TBC1D30: variants seen among roughly 807,000 people sequenced by gnomAD.
TBC1D30 encodes the protein TBC1 domain family, member 30.
In TBC1D30, 31 loss-of-function variants were observed where a neutral mutation model predicts 63.2. The ratio of observed to expected loss-of-function variants is 0.49; its 90% CI spans 0.37 to 0.66. TBC1D30 has a LOEUF of 0.66. Among genes scored for constraint, TBC1D30 ranks in the 30% least tolerant of loss-of-function variants. The pLI, the probability that TBC1D30 is intolerant of heterozygous loss-of-function variation, is 0.00. For missense variants in TBC1D30, 810 were observed against 953.6 expected, an observed-to-expected ratio of 0.85 and a Z score of 1.98; for synonymous variants, 307 against 361.5, an observed-to-expected ratio of 0.85 and a Z score of 1.71.
chr12:64,768,023 A>G (rs1870783034), intron 1 of TBC1D30, among the ~76,000 whole-genome samples: 1 of 152,098 alleles, frequency 6.6e-6, no homozygotes, highest in Non-Finnish European at 1.5e-5. Context: ...CCATATATGA[A>G]AGGCTGCCAG....
At chr12:64,766,237 A>G (rs1035815164) in intron 1 of TBC1D30, among the ~76,000 whole-genome samples, 1 of 152,200 alleles carries the variant, frequency 6.6e-6, no homozygotes, top group Non-Finnish European at 1.5e-5. Context: ...TACTATTTAC[A>G]TAACTGGAAT....
chr12:64,838,563 T>C (rs1307313302), intron 6 of TBC1D30, 120 bp from the exon 7 acceptor site: 2 of 991,204 alleles, frequency 2.0e-6, no homozygotes, highest in Admixed American at 5.6e-5. Flanking sequence ...TTTAGAAATA[T>C]GAAGAAATCA....
intron 10 of TBC1D30, chr12:64,868,380 T>TTG (rs1878393943): frequency 5.6e-6 from 1 of 180,006 alleles, no homozygotes; most frequent in African/African-American, 2.4e-5. Context: ...CTCCACCACC[T>TTG]TTCAGACCTT....
intron 1 of TBC1D30, among the ~76,000 whole-genome samples, chr12:64,769,648 A>G (rs12304439): frequency 0.041 from 6,159 of 151,418 alleles, 403 homozygotes; most frequent in African/African-American, 0.14. Flanking sequence ...GGCCTCCCAA[A>G]ATGCTGGGAT....
intron 2 of TBC1D30, among the ~76,000 whole-genome samples, chr12:64,801,078 AC>A (rs1872564571): frequency 6.6e-6 from 1 of 152,078 alleles, no homozygotes; most frequent in Non-Finnish European, 1.5e-5. Context: ...TCTGAACCTC[AC>A]CATTCCCTAT....
In TBC1D30 at chr12:64,840,004, C is replaced by CAAAAAAAAAAAA. The variant is rs60440376; in HGVS notation, c.932+1166_932+1177dup. On this transcript the variant is annotated intron_variant, in intron 7 of 11. Transcript: ENST00000539867. ...TGGACGACAGAGCAAGACTCTGTCT[C>CAAAAAAAAAAAA]AAAAAAAAAAAAAAAAAAAAAAAAT... Among the ~76,000 whole-genome samples the CAAAAAAAAAAAA allele has an allele frequency of 2.2e-4, 22 of 98,318 alleles. 2 individuals are homozygous for CAAAAAAAAAAAA. Among genetic ancestry groups the CAAAAAAAAAAAA allele is most frequent in the African/African-American group, 1.1e-3 (21 of 19,328 alleles). 64.5% of individuals were successfully genotyped at this position (98,318 alleles called of 152,430 possible).
At chr12:64,805,094 A>T (rs1406878820) in intron 2 of TBC1D30, among the ~76,000 whole-genome samples, 1 of 152,062 alleles carries the variant, frequency 6.6e-6, no homozygotes, top group Admixed American at 6.6e-5. Flanking sequence ...CCAGCTGCTC[A>T]GGAGGCTGAG....
At chr12:64,815,805 A>G (rs1416880618) in intron 2 of TBC1D30, among the ~76,000 whole-genome samples, 1 of 151,586 alleles carries the variant, frequency 6.6e-6, no homozygotes, top group African/African-American at 2.4e-5. Flanking sequence ...TTCTTTTTTG[A>G]GACAGAGTCT....
rs1268903 is a variant in TBC1D30 at position 64,845,690 on chromosome 12, T to C, written c.1038+2205T>C. ...GCAGTGAGCCGAGATCGTGCCACTG[T>C]ACTCCAGCCTGGGCAACAAGAGTGA... is the stretch of plus-strand genomic sequence containing the variant. On this transcript the variant is annotated intron_variant, in intron 8 of 11. Transcript: ENST00000539867. Among the ~76,000 whole-genome samples, 92 of 147,016 alleles carry C rather than the reference T, an allele frequency of 6.3e-4. 1 individual carries two copies. The East Asian group carries it at 0.017, about 27-fold the overall frequency.
chr12:64,875,795 C>T lies in TBC1D30; in HGVS notation c.*7C>T, dbSNP rs1397962709. 6.6e-7 allele frequency: 1 copy of T among 1,523,430 alleles called. No homozygotes were observed. The allele number at this position is 1,523,430 out of a possible 1,614,324, so 94.4% of individuals were successfully genotyped here. A position where few individuals can be genotyped will look rare whatever the true frequency, so the allele number is the denominator to read the frequency against. ...TGGCACTAAAAAACGATGATGTCTC[C>T]CCGAAACTTTGTATCTGGACTCACC... On this transcript the variant is annotated 3_prime_UTR_variant, in exon 12 of 12. Coordinates refer to ENST00000539867, the MANE Select transcript of TBC1D30 (RefSeq NM_015279.2).
chr12:64,861,285 A>G (rs1225298082), intron 8 of TBC1D30, among the ~76,000 whole-genome samples: 1 of 152,252 alleles, frequency 6.6e-6, no homozygotes, highest in Non-Finnish European at 1.5e-5. Context: ...ATTTAAGTGT[A>G]TGTTGGTAGT....
At chr12:64,766,474 A>G (rs1456063277) in intron 1 of TBC1D30, among the ~76,000 whole-genome samples, 1 of 152,182 alleles carries the variant, frequency 6.6e-6, no homozygotes, top group Non-Finnish European at 1.5e-5. Context: ...TTATAATGAT[A>G]AAAGGTTCAA....
chr12:64,875,481 A>G lies in TBC1D30; in HGVS notation c.1979A>G (p.Glu660Gly). 2 of 1,536,124 alleles carry G rather than the reference A, an allele frequency of 1.3e-6. No individual in the cohort carries two copies. The highest frequency in any genetic ancestry group is 1.7e-6 in the Non-Finnish European group (2 of 1,146,902). ...GTTCAGGCGAAGTTGGGAGCCCTGG[A>G]ACTGAACCAGAGGGATGCTGCAGCT... is the stretch of plus-strand genomic sequence containing the variant. The part of the protein sequence containing the change: ...SAVQAKLGAL[E>G]LNQRDAAAET... Residue 660 changes from glutamate to glycine, a missense_variant, in exon 12 of 12, where the codon GAA (glutamate) becomes GGA (glycine). Transcript: ENST00000539867.
intron 2 of TBC1D30, among the ~76,000 whole-genome samples, chr12:64,800,042 G>A (rs1872513907): frequency 8.5e-5 from 13 of 152,198 alleles, no homozygotes. Context: ...GGAGGCGGAG[G>A]CTGCAGTGAG....
At chr12:64,802,134 T>C (rs1349813277) in intron 2 of TBC1D30, among the ~76,000 whole-genome samples, 1 of 152,252 alleles carries the variant, frequency 6.6e-6, no homozygotes, top group Non-Finnish European at 1.5e-5. Context: ...ATCCCACGCC[T>C]AGCCCATTAC....
chr12:64,771,473 A>G (rs1246088284), intron 1 of TBC1D30, among the ~76,000 whole-genome samples: 1 of 152,116 alleles, frequency 6.6e-6, no homozygotes, highest in Non-Finnish European at 1.5e-5. Context: ...AATCCTTTGT[A>G]AGCTAAAACA....
intron 8 of TBC1D30, among the ~76,000 whole-genome samples, chr12:64,861,744 T>C (rs746649450): frequency 3.9e-5 from 6 of 152,192 alleles, no homozygotes; most frequent in Non-Finnish European, 7.3e-5. Context: ...AGTGTAGAGA[T>C]AAATTAGTTA....
Position 64,843,245 on chromosome 12 carries a change from C to G in TBC1D30, c.933-135C>G. The G allele has an allele frequency of 7.0e-6, 5 of 710,712 alleles. No homozygotes were observed. The South Asian group carries it at 9.8e-5, about 14-fold the overall frequency. 44.0% of individuals were successfully genotyped at this position (710,712 alleles called of 1,614,324 possible). On this transcript the variant is annotated intron_variant, in intron 7 of 11. Coordinates refer to ENST00000539867, the MANE Select transcript of TBC1D30 (RefSeq NM_015279.2). ...CCTGGCCTCAAGCAATCCTCCCGCC[C>G]CAGCCTCCCAGAGTGCTGGGATTAT...
At chr12:64,838,424 C>T (rs1298343891) in intron 6 of TBC1D30, among the ~76,000 whole-genome samples, 1 of 152,156 alleles carries the variant, frequency 6.6e-6, no homozygotes, top group East Asian at 1.9e-4. Context: ...CAGCTCACTA[C>T]AATAGGTAGA....
Sources: allele counts gnomAD v4.1 joint callset (sites outside exome capture counted in the v4.1 genomes callset), GRCh38; gene constraint gnomAD v4.1.1; transcripts MANE v1.5; gene names NCBI Gene and HGNC (gene_info 2026-07-23, HGNC 2026-07-21).